The following PTPRD variants were observed in gnomAD, a reference collection of about 807,000 sequenced individuals.
PTPRD encodes protein tyrosine phosphatase receptor type D.
A neutral mutation model predicts 214.5 loss-of-function variants in PTPRD; 34 were observed. That is an observed-to-expected ratio of 0.16 (90% CI 0.12 to 0.21). PTPRD has a LOEUF of 0.21. Ranked by LOEUF, PTPRD falls within the 10% of genes least tolerant of loss-of-function variation. The pLI is 1.00. For synonymous variants in PTPRD, 1,128 were observed against 845.7 expected, an observed-to-expected ratio of 1.33 and a Z score of -5.79; for missense variants, 2,545 against 2,398.7, an observed-to-expected ratio of 1.06 and a Z score of -1.27.
chr9:8,370,209 C>T (rs10977009), intron 39 of PTPRD, among the ~76,000 whole-genome samples: 72,426 of 128,696 alleles, frequency 0.56, 21,018 homozygotes, highest in Non-Finnish European at 0.68. Flanking sequence ...TATATATATA[C>T]ACACACACAC....
chr9:8,335,522 G>A (rs571680853), intron 43 of PTPRD, among the ~76,000 whole-genome samples: 2 of 152,190 alleles, frequency 1.3e-5, no homozygotes, highest in South Asian at 2.1e-4. Flanking sequence ...TATGATAAAC[G>A]CACAGCCACT....
At chr9:8,866,428 A>G (rs769980253) in intron 11 of PTPRD, among the ~76,000 whole-genome samples, 2 of 152,018 alleles carry the variant, frequency 1.3e-5, no homozygotes, top group African/African-American at 2.4e-5. Flanking sequence ...TTCTGCTCCC[A>G]TTGTTTTCCT....
intron 8 of PTPRD, among the ~76,000 whole-genome samples, chr9:9,520,332 A>T (rs12342340): frequency 0.024 from 3,549 of 148,598 alleles, 65 homozygotes; most frequent in Non-Finnish European, 0.039. Context: ...AATTAATAAT[A>T]TCTGGGAATG....
At chr9:8,811,431 G>C (rs1189855757) in intron 11 of PTPRD, among the ~76,000 whole-genome samples, 1 of 152,134 alleles carries the variant, frequency 6.6e-6, no homozygotes. Flanking sequence ...AACTGAATTA[G>C]TCCCTGGAAA....
chr9:9,554,988 T>C (rs1318134997), intron 8 of PTPRD, among the ~76,000 whole-genome samples: 3 of 152,082 alleles, frequency 2.0e-5, no homozygotes, highest in Admixed American at 6.6e-5. Context: ...TTTTGTCTAA[T>C]GGGTTAGAAT....
intron 12 of PTPRD, among the ~76,000 whole-genome samples, chr9:8,648,998 T>C (rs772570387): frequency 6.6e-5 from 10 of 152,138 alleles, no homozygotes; most frequent in Admixed American, 3.9e-4. Context: ...TACCTGCAAA[T>C]TGGGTCACAC....
chr9:8,496,310 T>C (rs567473431), intron 26 of PTPRD, among the ~76,000 whole-genome samples: 6 of 152,266 alleles, frequency 3.9e-5, no homozygotes, highest in Non-Finnish European at 8.8e-5. Flanking sequence ...CTTGGACCAC[T>C]GTCTCTGAAT....
intron 3 of PTPRD, among the ~76,000 whole-genome samples, chr9:10,208,252 G>C (rs2057473): frequency 0.64 from 97,222 of 151,672 alleles, 32,718 homozygotes; most frequent in Admixed American, 0.75. Context: ...CGGTGGCTCA[G>C]GCCCGTAATC....
At chr9:9,917,137 C>T (rs537711748) in intron 5 of PTPRD, among the ~76,000 whole-genome samples, 2 of 149,616 alleles carry the variant, frequency 1.3e-5, no homozygotes, top group South Asian at 2.1e-4. Flanking sequence ...AACAATCTAA[C>T]AATGAATGTC....
intron 3 of PTPRD, among the ~76,000 whole-genome samples, chr9:10,166,723 T>C (rs910857873): frequency 1.3e-5 from 2 of 152,018 alleles, no homozygotes; most frequent in African/African-American, 4.8e-5. Context: ...AATAACACAT[T>C]TTCAAGAAAG....
intron 2 of PTPRD, among the ~76,000 whole-genome samples, chr9:10,358,653 C>A (rs1331561207): frequency 2.0e-5 from 3 of 151,804 alleles, no homozygotes; most frequent in African/African-American, 7.3e-5. Context: ...TTATATTCTA[C>A]TATTAGCTCA....
At chr9:9,359,961 C>T (rs1390867223) in intron 9 of PTPRD, among the ~76,000 whole-genome samples, 1 of 151,114 alleles carries the variant, frequency 6.6e-6, no homozygotes, top group Non-Finnish European at 1.5e-5. Context: ...CTTAAGAAAA[C>T]ATTTTTATAT....
chr9:8,975,182 T>C (rs1290999938), intron 11 of PTPRD, among the ~76,000 whole-genome samples: 1 of 151,776 alleles, frequency 6.6e-6, no homozygotes, highest in African/African-American at 2.4e-5. Flanking sequence ...ATATTGAATA[T>C]ATTCTTGTGT....
intron 7 of PTPRD, among the ~76,000 whole-genome samples, chr9:9,588,726 A>C (rs1293738107): frequency 6.6e-6 from 1 of 152,006 alleles, no homozygotes; most frequent in Non-Finnish European, 1.5e-5. Flanking sequence ...GAAAAAAGTG[A>C]AAAGACAAAT....
chr9:8,563,217 G>A (rs1240506123), intron 14 of PTPRD, among the ~76,000 whole-genome samples: 1 of 152,038 alleles, frequency 6.6e-6, no homozygotes, highest in Non-Finnish European at 1.5e-5. Flanking sequence ...TGTTTGCCTG[G>A]GAAGCGTATT....
At chr9:10,441,482 T>C (rs2098757931) in intron 2 of PTPRD, among the ~76,000 whole-genome samples, 2 of 151,856 alleles carry the variant, frequency 1.3e-5, no homozygotes, top group East Asian at 1.9e-4. Context: ...ATATATTTAT[T>C]ACATTTCAAG....
chr9:9,723,919 G>T (rs10977933), intron 7 of PTPRD, among the ~76,000 whole-genome samples: 7,939 of 151,854 alleles, frequency 0.052, 620 homozygotes, highest in African/African-American at 0.17. Flanking sequence ...AGATTCCTTA[G>T]GATTTTCTAC....
chr9:8,328,948 T>C (rs1836828716), intron 44 of PTPRD, among the ~76,000 whole-genome samples: 1 of 152,178 alleles, frequency 6.6e-6, no homozygotes, highest in Non-Finnish European at 1.5e-5. Flanking sequence ...TCCAGGTACT[T>C]AGCTTCCTTG....
chr9:9,805,835 G>A (rs1330434986), intron 5 of PTPRD, among the ~76,000 whole-genome samples: 5 of 152,150 alleles, frequency 3.3e-5, no homozygotes, highest in South Asian at 2.1e-4. Flanking sequence ...CCTATTGAGT[G>A]AGAAATAGAG....
Sources: gnomAD v4.1 joint callset for allele counts (sites outside exome capture counted in the v4.1 genomes callset) on GRCh38, gnomAD v4.1.1 for gene constraint, MANE v1.5 for transcripts, NCBI Gene and HGNC (gene_info 2026-07-23, HGNC 2026-07-21) for gene names.